The following OTUD7A variants were observed in gnomAD, a reference collection of about 807,000 sequenced individuals.
OTUD7A encodes the protein OTU domain-containing protein 7A.
OTUD7A carries 12 observed loss-of-function variants against 65.7 expected under a neutral mutation model. That is an observed-to-expected ratio of 0.18 (90% CI 0.12 to 0.30). The LOEUF (loss-of-function observed/expected upper bound fraction) is 0.30. Ranked by LOEUF, OTUD7A falls within the 10% of genes least tolerant of loss-of-function variation. The pLI, the probability that OTUD7A is intolerant of heterozygous loss-of-function variation, is 1.00. For missense variants in OTUD7A, 1,148 were observed against 1,304.8 expected (o/e 0.88, Z 1.85); for synonymous variants, 641 against 586.3 (o/e 1.09, Z -1.35).
chr15:31,561,235 G>A (rs771258803), intron 4 of OTUD7A, among the ~76,000 whole-genome samples: 1 of 151,636 alleles, frequency 6.6e-6, no homozygotes, highest in Non-Finnish European at 1.5e-5. Flanking sequence ...TTGGGTGGTG[G>A]GGGACGGCCC....
chr15:31,840,788 G>A lies in OTUD7A; in HGVS notation c.-100+29719C>T, dbSNP rs114844933. Among the ~76,000 whole-genome samples the A allele has an allele frequency of 5.9e-3, 906 of 152,276 alleles. 11 individuals carry two copies. Among genetic ancestry groups the A allele is most frequent in the African/African-American group, 0.021 (869 of 41,544 alleles). On this transcript the variant is annotated intron_variant, in intron 1 of 12. Coordinates refer to ENST00000307050, the MANE Select transcript of OTUD7A (RefSeq NM_001382637.1). The stretch of plus-strand genomic sequence containing the variant: ...TACTCAATCTAGTACATCCCATTAC[G>A]AGAGTTTCCTAAAATAACTTTATAG...
chr15:31,597,208 G>A (rs1361688743), intron 3 of OTUD7A, among the ~76,000 whole-genome samples: 1 of 152,178 alleles, frequency 6.6e-6, no homozygotes, highest in Admixed American at 6.5e-5. Context: ...GATTATAGGT[G>A]TGAGCCACTG....
chr15:31,546,949 T>C (rs1235158631), intron 5 of OTUD7A, among the ~76,000 whole-genome samples: 1 of 152,238 alleles, frequency 6.6e-6, no homozygotes, highest in Non-Finnish European at 1.5e-5. Flanking sequence ...CTTTTCTTGA[T>C]GTGAGTTTCT....
chr15:31,555,104 C>A (rs1888448120), intron 5 of OTUD7A, among the ~76,000 whole-genome samples: 1 of 152,116 alleles, frequency 6.6e-6, no homozygotes, highest in African/African-American at 2.4e-5. Context: ...CAGGCAGATA[C>A]CACGCAGGGC....
intron 3 of OTUD7A, among the ~76,000 whole-genome samples, chr15:31,585,304 G>C (rs1303731219): frequency 6.6e-6 from 1 of 152,196 alleles, no homozygotes; most frequent in Admixed American, 6.5e-5. Flanking sequence ...CAAGCTCTAG[G>C]TTCTCAAATG....
chr15:31,794,075 T>A (rs1037256503), intron 1 of OTUD7A, among the ~76,000 whole-genome samples: 14 of 152,264 alleles, frequency 9.2e-5, no homozygotes, highest in Non-Finnish European at 1.5e-4. Flanking sequence ...ATCTTTCACA[T>A]TTAAACCTCT....
rs560668134 is a variant in OTUD7A at position 31,519,299 on chromosome 15, A to G, written c.893+7050T>C. 2.0e-5 allele frequency among the ~76,000 whole-genome samples: 3 copies of G among 152,372 alleles called. No individual in the cohort carries two copies. In the South Asian group the frequency reaches 6.2e-4, roughly 32 times the overall value. On this transcript the variant is annotated intron_variant, in intron 8 of 12. Transcript: ENST00000307050. ...TTGTTCTTAATTCTGTTTACGTGAT[A>G]TATCACATTCATTGATTTGTGTATG...
chr15:31,751,297 C>G (rs1439758487), intron 1 of OTUD7A, among the ~76,000 whole-genome samples: 1 of 149,446 alleles, frequency 6.7e-6, no homozygotes, highest in Non-Finnish European at 1.5e-5. Flanking sequence ...TATGAGTGGC[C>G]AACAAACATA....
chr15:31,486,881 A>G (rs138204567), intron 12 of OTUD7A, among the ~76,000 whole-genome samples: 262 of 152,314 alleles, frequency 1.7e-3, no homozygotes, highest in African/African-American at 6.1e-3. Flanking sequence ...CTTCTGCAGA[A>G]AATAGGGGGA....
chr15:31,675,774 T>C (rs1445907034), intron 1 of OTUD7A, among the ~76,000 whole-genome samples: 2 of 152,216 alleles, frequency 1.3e-5, no homozygotes, highest in Non-Finnish European at 2.9e-5. Flanking sequence ...ATCTATTTCA[T>C]AATAGCCAAC....
chr15:31,680,216 A>G (rs779851255), intron 1 of OTUD7A, among the ~76,000 whole-genome samples: 23 of 152,116 alleles, frequency 1.5e-4, no homozygotes, highest in Non-Finnish European at 2.9e-4. Context: ...AGCAGGGGGC[A>G]TTTTTTTAGT....
chr15:31,642,938 T>C (rs1396704667), intron 3 of OTUD7A, among the ~76,000 whole-genome samples: 1 of 152,094 alleles, frequency 6.6e-6, no homozygotes, highest in Non-Finnish European at 1.5e-5. Flanking sequence ...ATTTGCTCTT[T>C]TTTTTTCTAG....
intron 3 of OTUD7A, among the ~76,000 whole-genome samples, chr15:31,606,212 G>A (rs1890234874): frequency 6.6e-6 from 1 of 152,158 alleles, no homozygotes; most frequent in South Asian, 2.1e-4. Flanking sequence ...AGATATGCAG[G>A]GTTGTTGTGA....
intron 1 of OTUD7A, among the ~76,000 whole-genome samples, chr15:31,824,189 CTG>C (rs1298354744): frequency 1.3e-5 from 2 of 152,210 alleles, no homozygotes; most frequent in Non-Finnish European, 2.9e-5. Context: ...GCTCAGGACA[CTG>C]AAGCCTGCTC....
At chr15:31,734,305 A>G (rs1894126335) in intron 1 of OTUD7A, among the ~76,000 whole-genome samples, 1 of 152,238 alleles carries the variant, frequency 6.6e-6, no homozygotes, top group Non-Finnish European at 1.5e-5. Flanking sequence ...GGAAGAATCA[A>G]TATGATTGAA....
intron 3 of OTUD7A, among the ~76,000 whole-genome samples, chr15:31,599,502 C>T (rs113873200): frequency 1.8e-3 from 267 of 152,242 alleles, no homozygotes; most frequent in African/African-American, 6.2e-3. Flanking sequence ...ACATCAAAGA[C>T]CAAAGGTAGA....
In OTUD7A at chr15:31,479,525, G is replaced by T. The variant is rs1292446610; in HGVS notation, c.*3769C>A. The T allele has an allele frequency of 6.6e-6, 1 of 152,224 alleles. No individual in the cohort carries two copies. The highest frequency in any genetic ancestry group is 1.5e-5 in the Non-Finnish European group (1 of 68,044). 9.4% of individuals were successfully genotyped at this position (152,224 alleles called of 1,614,324 possible). On this transcript the variant is annotated 3_prime_UTR_variant, in exon 13 of 13. Coordinates refer to ENST00000307050, the MANE Select transcript of OTUD7A (RefSeq NM_001382637.1). ...AATGGAACTTACACACATGGATTTG[G>T]AAAAGTCTGTTTTTTCTTGTACAAA...
chr15:31,646,035 A>C (rs1469767910), intron 3 of OTUD7A, among the ~76,000 whole-genome samples: 3 of 152,220 alleles, frequency 2.0e-5, no homozygotes, highest in African/African-American at 7.2e-5. Flanking sequence ...AAAATAGTTT[A>C]AATTGATTTC....
intron 6 of OTUD7A, among the ~76,000 whole-genome samples, chr15:31,527,797 T>C (rs62004098): frequency 0.34 from 51,560 of 152,090 alleles, 8,807 homozygotes; most frequent in Middle Eastern, 0.39. Context: ...AAGCAGAGCG[T>C]CAGTGACACC....
Sources: allele counts gnomAD v4.1 joint callset (sites outside exome capture counted in the v4.1 genomes callset), GRCh38; gene constraint gnomAD v4.1.1; transcripts MANE v1.5; gene names NCBI Gene and HGNC (gene_info 2026-07-23, HGNC 2026-07-21).